CDKL2: variants seen among roughly 807,000 people sequenced by gnomAD.
The protein encoded by CDKL2 is cyclin-dependent kinase-like 2.
In CDKL2, 64 loss-of-function variants were observed where a neutral mutation model predicts 63.9. That is an observed-to-expected ratio of 1.00 (90% CI 0.82 to 1.23). The LOEUF (loss-of-function observed/expected upper bound fraction) is 1.23. Ranked by LOEUF, CDKL2 falls within the 50% of genes most tolerant of loss-of-function variation. The pLI is 0.00. For synonymous variants in CDKL2, 211 were observed against 229.2 expected, an observed-to-expected ratio of 0.92 and a Z score of 0.72; for missense variants, 656 against 668.0, an observed-to-expected ratio of 0.98 and a Z score of 0.20.
intron 12 of CDKL2, among the ~76,000 whole-genome samples, chr4:75,587,536 G>A (rs1422596445): frequency 1.3e-5 from 2 of 151,998 alleles, no homozygotes; most frequent in Non-Finnish European, 1.5e-5. Flanking sequence ...TGTATGACAC[G>A]AACAAAAGGA....
chr4:75,608,074 C>T (rs535783579), intron 3 of CDKL2, among the ~76,000 whole-genome samples: 2 of 148,908 alleles, frequency 1.3e-5, no homozygotes, highest in East Asian at 2.0e-4. Flanking sequence ...CTCGGCCTCC[C>T]GAAGTGCTGA....
intron 3 of CDKL2, among the ~76,000 whole-genome samples, chr4:75,609,227 TAA>T (rs1382233146): frequency 3.3e-5 from 5 of 152,104 alleles, no homozygotes; most frequent in Non-Finnish European, 7.3e-5. Context: ...ATTAGAAATG[TAA>T]AGAGTAAACA....
intron 12 of CDKL2, among the ~76,000 whole-genome samples, chr4:75,584,000 T>C (rs1207784894): frequency 6.6e-6 from 1 of 152,192 alleles, no homozygotes; most frequent in Non-Finnish European, 1.5e-5. Flanking sequence ...TCAGCAGGAT[T>C]GTAAAGCTAT....
chr4:75,626,545 TAGTCC>T, intron 1 of CDKL2, among the ~76,000 whole-genome samples: 1 of 151,926 alleles, frequency 6.6e-6, no homozygotes, highest in Non-Finnish European at 1.5e-5. Context: ...CAGGCGCCTG[TAGTCC>T]CAGCTACTCG....
chr4:75,602,624 T>G (rs1389248539), intron 6 of CDKL2, among the ~76,000 whole-genome samples: 1 of 152,080 alleles, frequency 6.6e-6, no homozygotes, highest in Non-Finnish European at 1.5e-5. Flanking sequence ...TGGGTTCAAG[T>G]GATTCTCCTG....
chr4:75,625,737 C>T, intron 2 of CDKL2, 84 bp downstream of exon 2: 1 of 913,096 alleles, frequency 1.1e-6, no homozygotes, highest in South Asian at 1.7e-5. Flanking sequence ...AATGAATTTG[C>T]ATATCTAATC....
intron 12 of CDKL2, among the ~76,000 whole-genome samples, chr4:75,587,760 C>T (rs7694950): frequency 0.012 from 1,760 of 151,354 alleles, 38 homozygotes; most frequent in African/African-American, 0.041. Flanking sequence ...AAAAATTAGC[C>T]GGGCATAGTG....
Position 75,596,327 on chromosome 4 carries a change from T to C in CDKL2, c.1336A>G (p.Thr446Ala). 1 of 1,608,454 alleles carries C rather than the reference T, an allele frequency of 6.2e-7. No individual in the cohort carries two copies. Among genetic ancestry groups the C allele is most frequent in the Non-Finnish European group, 8.5e-7 (1 of 1,174,948 alleles). ...ACAAATGGAATAGAACACTTCTTAG[T>C]TTTCTCATCCACTCTGTAACGACAA... The part of the protein sequence containing the change: ...PIQGYRVDEK[T>A]KKCSIPFVKP... The change falls in exon 10 of 14, where the codon ACT (threonine) becomes GCT (alanine). Residue 446 changes from threonine (T) to alanine (A), a missense_variant. Thr to Ala is a moderately conservative substitution (Grantham distance 58). Transcript: ENST00000307465.
intron 12 of CDKL2, among the ~76,000 whole-genome samples, chr4:75,584,596 G>A (rs1370960350): frequency 1.3e-5 from 2 of 152,142 alleles, no homozygotes; most frequent in Non-Finnish European, 2.9e-5. Flanking sequence ...CGATCCATGA[G>A]GGATATGTTC....
chr4:75,598,507 A>T (rs1212189544), intron 7 of CDKL2, among the ~76,000 whole-genome samples: 5 of 151,950 alleles, frequency 3.3e-5, no homozygotes, highest in African/African-American at 1.2e-4. Flanking sequence ...CTGACACCTT[A>T]CCAAGAAGAA....
chr4:75,580,382 T>C (rs977786331), intron 13 of CDKL2, among the ~76,000 whole-genome samples: 1 of 152,142 alleles, frequency 6.6e-6, no homozygotes, highest in Non-Finnish European at 1.5e-5. Flanking sequence ...AATGGTCTGA[T>C]TGGCCAGACA....
At chr4:75,624,095 C>T (rs190867506) in intron 2 of CDKL2, among the ~76,000 whole-genome samples, 119 of 145,396 alleles carry the variant, frequency 8.2e-4, no homozygotes, top group African/African-American at 3.0e-3. Context: ...TACGCCACTG[C>T]ACTCCAGCCT....
rs368635769 is a variant in CDKL2, at chr4:75,577,658, A to G, written c.*1544T>C. Among the ~76,000 whole-genome samples the G allele has an allele frequency of 2.6e-5, 4 of 152,230 alleles. No individual in the cohort carries two copies. Among genetic ancestry groups the G allele is most frequent in the Non-Finnish European group, 4.4e-5 (3 of 68,044 alleles). On this transcript the variant is annotated 3_prime_UTR_variant, in exon 14 of 14. Transcript: ENST00000307465. ...GCAGTGTTTTTCAAAGTAAAAATAA[A>G]GTAGTAACTTTTTAATATGCAGCCT...
intron 2 of CDKL2, among the ~76,000 whole-genome samples, chr4:75,622,751 A>G (rs914255242): frequency 6.7e-6 from 1 of 149,320 alleles, no homozygotes; most frequent in African/African-American, 2.5e-5. Flanking sequence ...AAAACAGACA[A>G]GAAGACCAAG....
chr4:75,602,312 G>T (rs182615393), intron 6 of CDKL2, among the ~76,000 whole-genome samples: 3 of 151,924 alleles, frequency 2.0e-5, no homozygotes, highest in Admixed American at 2.0e-4. Flanking sequence ...CCCGAGTAGC[G>T]GGGGTTACAG....
rs1225571121 is a variant in CDKL2 at position 75,592,190 on chromosome 4, A to G, written c.1496T>C (p.Leu499Pro). The change falls in exon 11 of 14, where the codon CTA becomes CCA. Residue 499 changes from leucine (L) to proline (P), a missense_variant. Transcript: ENST00000307465. ...TAGTTCAGGGAGATGATTATAGTTT[A>G]GTTCAGGCAAACGGACATCTGTCCT... ...YSRTDVRLPE[L>P]NYNHLPELRA... 1.1e-5 allele frequency: 17 copies of G among 1,535,272 alleles called. No individual in the cohort carries two copies. Among genetic ancestry groups the G allele is most frequent in the Non-Finnish European group, 1.5e-5 (17 of 1,146,640 alleles).
intron 12 of CDKL2, among the ~76,000 whole-genome samples, chr4:75,584,429 G>T (rs1728384718): frequency 6.6e-6 from 1 of 152,146 alleles, no homozygotes; most frequent in African/African-American, 2.4e-5. Context: ...ACCTGGAAAT[G>T]GTTTCTCCCC....
Position 75,603,928 on chromosome 4 carries a change from A to G in CDKL2, c.684T>C (p.Leu228=), listed in dbSNP as rs773175856. Residue 228 remains leucine (L), a synonymous_variant, in exon 6 of 14, where the codon CTT becomes CTC. Coordinates refer to ENST00000307465, the MANE Select transcript of CDKL2 (RefSeq NM_001330724.2). ...LGNLIPRHQE[L]FNKNPVFAGV... ...CAGCAAACACAGGATTTTTATTAAA[A>G]AGCTCCTGATGCCTTGGAATTAGAT... The G allele has an allele frequency of 3.7e-6, 6 of 1,611,630 alleles. No homozygotes were observed. The East Asian group carries it at 1.3e-4, about 36-fold the overall frequency.
chr4:75,588,521 C>T (rs1351819032), intron 12 of CDKL2, among the ~76,000 whole-genome samples: 1 of 151,984 alleles, frequency 6.6e-6, no homozygotes, highest in East Asian at 1.9e-4. Context: ...GAATAACATA[C>T]AGCTAAATTT....
Sources: allele counts gnomAD v4.1 joint callset (sites outside exome capture counted in the v4.1 genomes callset), GRCh38; gene constraint gnomAD v4.1.1; transcripts MANE v1.5; gene names NCBI Gene and HGNC (gene_info 2026-07-23, HGNC 2026-07-21).